The following NCAM1 variants were observed in gnomAD, a reference collection of about 807,000 sequenced individuals.
The protein encoded by NCAM1 is antigen recognized by monoclonal antibody 5.1H11.
A neutral mutation model predicts 109.8 loss-of-function variants in NCAM1; 14 were observed. The observed-to-expected ratio is 0.13, with a 90% CI of 0.08 to 0.20. NCAM1 has a LOEUF of 0.20. Ranked by LOEUF, NCAM1 falls within the 10% of genes least tolerant of loss-of-function variation. NCAM1 has a pLI of 1.00. For synonymous variants in NCAM1, 418 were observed against 442.9 expected (o/e 0.94, Z 0.70); for missense variants, 774 against 1,109.9 (o/e 0.70, Z 4.30).
chr11:113,006,692 C>T (rs1951900669), intron 1 of NCAM1, among the ~76,000 whole-genome samples: 1 of 152,038 alleles, frequency 6.6e-6, no homozygotes, highest in South Asian at 2.1e-4. Context: ...AAAATTGAAA[C>T]ACACAAAATC....
intron 8 of NCAM1, among the ~76,000 whole-genome samples, chr11:113,217,959 G>A (rs1363330918): frequency 6.6e-6 from 1 of 152,154 alleles, no homozygotes; most frequent in Non-Finnish European, 1.5e-5. Context: ...CCTGTGGCTT[G>A]AGAATGACTG....
intron 1 of NCAM1, among the ~76,000 whole-genome samples, chr11:113,190,301 A>G (rs1210017971): frequency 1.3e-5 from 2 of 152,218 alleles, no homozygotes; most frequent in Admixed American, 1.3e-4. Context: ...CAGCGTGTGA[A>G]GACAGGAGGA....
intron 1 of NCAM1, among the ~76,000 whole-genome samples, chr11:113,144,242 T>C (rs1428909049): frequency 2.0e-5 from 3 of 152,194 alleles, no homozygotes; most frequent in Non-Finnish European, 4.4e-5. Flanking sequence ...TGTAACATAG[T>C]GCTCTCCTGA....
intron 14 of NCAM1, among the ~76,000 whole-genome samples, chr11:113,243,202 C>T (rs1342560099): frequency 1.3e-5 from 2 of 152,222 alleles, no homozygotes; most frequent in East Asian, 3.8e-4. Context: ...TTCTGAAATA[C>T]ACACGCTCAT....
chr11:113,135,032 G>A (rs545220702), intron 1 of NCAM1, among the ~76,000 whole-genome samples: 2 of 152,248 alleles, frequency 1.3e-5, no homozygotes, highest in South Asian at 4.2e-4. Flanking sequence ...CCGTCATTGA[G>A]TTGAGGTTCT....
chr11:113,085,079 G>C (rs1555087995), intron 1 of NCAM1, among the ~76,000 whole-genome samples: 1 of 152,202 alleles, frequency 6.6e-6, no homozygotes, highest in African/African-American at 2.4e-5. Context: ...CCCTGGACAA[G>C]ATTTCTGAGT....
chr11:113,178,193 A>G (rs1185423999), intron 1 of NCAM1, among the ~76,000 whole-genome samples: 1 of 152,132 alleles, frequency 6.6e-6, no homozygotes, highest in Non-Finnish European at 1.5e-5. Context: ...AAAAATGAAG[A>G]AGGAGAGACA....
At chr11:113,229,132 C>A (rs1423487564) in intron 9 of NCAM1, among the ~76,000 whole-genome samples, 1 of 152,188 alleles carries the variant, frequency 6.6e-6, no homozygotes, top group Non-Finnish European at 1.5e-5. Flanking sequence ...AAACTACCAT[C>A]AGAGTGAACA....
chr11:113,207,254 C>T lies in NCAM1; in HGVS notation c.629-7C>T, dbSNP rs1381733103. The T allele has an allele frequency of 1.2e-5, 19 of 1,609,274 alleles. No homozygotes were observed. The highest frequency in any genetic ancestry group is 1.7e-5 in the Admixed American group (1 of 58,952). ...CAACCACCCCATGACACCCTTTTTT[C>T]CTTCAGTGCCACCTACCATCCAGGC... On this transcript the variant is annotated splice_polypyrimidine_tract_variant and splice_region_variant and intron_variant, in intron 5 of 19. Transcript: ENST00000316851.
chr11:113,020,979 A>G (rs1222606586), intron 1 of NCAM1, among the ~76,000 whole-genome samples: 2 of 151,710 alleles, frequency 1.3e-5, no homozygotes, highest in African/African-American at 4.8e-5. Context: ...CTGGTCTCCA[A>G]CTCCTGATCT....
intron 17 of NCAM1, among the ~76,000 whole-genome samples, chr11:113,261,258 C>T (rs750202917): frequency 1.3e-5 from 2 of 151,840 alleles, no homozygotes; most frequent in Non-Finnish European, 2.9e-5. Flanking sequence ...GATTCCTCCT[C>T]CCAGGAGGAG....
chr11:113,238,961 G>A (rs1427155804), intron 14 of NCAM1, among the ~76,000 whole-genome samples: 3 of 152,308 alleles, frequency 2.0e-5, no homozygotes, highest in East Asian at 3.9e-4. Flanking sequence ...CTGACTCATC[G>A]CTTGAAGTTC....
chr11:113,077,270 G>A (rs747222018), intron 1 of NCAM1, among the ~76,000 whole-genome samples: 4 of 152,176 alleles, frequency 2.6e-5, no homozygotes, highest in South Asian at 2.1e-4. Context: ...AAGGGAGTCC[G>A]TCAGCAAAGT....
chr11:113,007,653 G>A (rs1565378473), intron 1 of NCAM1, among the ~76,000 whole-genome samples: 2 of 152,210 alleles, frequency 1.3e-5, no homozygotes, highest in South Asian at 2.1e-4. Flanking sequence ...CACAGTGGTT[G>A]TGATATAGTT....
intron 1 of NCAM1, among the ~76,000 whole-genome samples, chr11:113,186,541 G>A (rs1943513839): frequency 6.6e-6 from 1 of 152,220 alleles, no homozygotes; most frequent in Non-Finnish European, 1.5e-5. Context: ...CACAAAGGAA[G>A]AATTGACCTT....
At chr11:113,264,120 C>T (rs1171503309) in intron 17 of NCAM1, 2 of 985,088 alleles carry the variant, frequency 2.0e-6, no homozygotes, top group African/African-American at 3.5e-5. Flanking sequence ...GGGGATGGAC[C>T]TTCTACTGAA....
chr11:113,009,586 T>TA (rs1195981154), intron 1 of NCAM1, among the ~76,000 whole-genome samples: 1 of 152,120 alleles, frequency 6.6e-6, no homozygotes, highest in Non-Finnish European at 1.5e-5. Context: ...TGAGCACATC[T>TA]AGCCATCCAG....
chr11:113,244,837 T>C (rs1172779217), intron 14 of NCAM1, among the ~76,000 whole-genome samples: 1 of 152,198 alleles, frequency 6.6e-6, no homozygotes, highest in East Asian at 1.9e-4. Flanking sequence ...GCACACATTC[T>C]GTCAGCTCAC....
At chr11:113,254,041 C>A (rs377595660) in intron 15 of NCAM1, among the ~76,000 whole-genome samples, 3 of 152,346 alleles carry the variant, frequency 2.0e-5, no homozygotes, top group African/African-American at 7.2e-5. Flanking sequence ...TGAATCTACA[C>A]AGAGCTCCTG....
Sources: gnomAD v4.1 joint callset for allele counts (sites outside exome capture counted in the v4.1 genomes callset) on GRCh38, gnomAD v4.1.1 for gene constraint, MANE v1.5 for transcripts, NCBI Gene and HGNC (gene_info 2026-07-23, HGNC 2026-07-21) for gene names.